PTPRN2: variants seen among roughly 807,000 people sequenced by gnomAD.
PTPRN2 encodes protein tyrosine phosphatase receptor type N2, also known as receptor-type tyrosine-protein phosphatase N2.
PTPRN2 carries 74 observed loss-of-function variants against 118.8 expected under a neutral mutation model. The observed-to-expected ratio is 0.62, with a 90% CI of 0.52 to 0.76. PTPRN2 has a LOEUF of 0.76. PTPRN2 is among the 30% of genes least tolerant of loss of function. The pLI is 0.00. For missense variants in PTPRN2, 1,481 were observed against 1,394.4 expected, an observed-to-expected ratio of 1.06 and a Z score of -0.99; for synonymous variants, 641 against 608.0, an observed-to-expected ratio of 1.05 and a Z score of -0.80.
At chr7:157,984,452 C>A (rs1226272740) in intron 11 of PTPRN2, among the ~76,000 whole-genome samples, 1 of 81,718 alleles carries the variant, frequency 1.2e-5, no homozygotes, top group Non-Finnish European at 2.5e-5. Context: ...GCTCCACCCC[C>A]CCCACGCCAG....
intron 3 of PTPRN2, among the ~76,000 whole-genome samples, chr7:158,289,734 G>A (rs1458340178): frequency 6.6e-6 from 1 of 152,014 alleles, no homozygotes; most frequent in Non-Finnish European, 1.5e-5. Flanking sequence ...CATGTTTGTT[G>A]TTGTTGTTGT....
chr7:158,218,300 A>G (rs1224804333), intron 3 of PTPRN2, among the ~76,000 whole-genome samples: 1 of 152,248 alleles, frequency 6.6e-6, no homozygotes, highest in Non-Finnish European at 1.5e-5. Flanking sequence ...GCATCCTTAA[A>G]GAAAAAAAAT....
intron 12 of PTPRN2, among the ~76,000 whole-genome samples, chr7:157,753,110 G>A (rs1448430928): frequency 3.3e-5 from 5 of 152,202 alleles, no homozygotes; most frequent in Non-Finnish European, 7.3e-5. Context: ...TGCGTGCAGG[G>A]GGCAAGGACA....
At chr7:158,163,285 A>C (rs2150576443) in intron 6 of PTPRN2, among the ~76,000 whole-genome samples, 1 of 150,264 alleles carries the variant, frequency 6.7e-6, no homozygotes, top group Non-Finnish European at 1.5e-5. Context: ...GGTTCTCAAT[A>C]TTCTCTGTGT....
At chr7:158,318,639 C>T (rs914722499) in intron 2 of PTPRN2, among the ~76,000 whole-genome samples, 3 of 152,254 alleles carry the variant, frequency 2.0e-5, no homozygotes, top group African/African-American at 4.8e-5. Context: ...GCAGAGCCCG[C>T]GAGCTGCACT....
intron 2 of PTPRN2, among the ~76,000 whole-genome samples, chr7:158,380,631 G>A (rs1238187447): frequency 1.3e-5 from 2 of 152,206 alleles, no homozygotes; most frequent in Non-Finnish European, 2.9e-5. Flanking sequence ...CCAGTTGTTG[G>A]TAGATCTACC....
chr7:158,122,122 G>A lies in PTPRN2; in HGVS notation c.1557-11207C>T, dbSNP rs529982159. Among the ~76,000 whole-genome samples, 21 of 152,304 alleles carry A rather than the reference G, an allele frequency of 1.4e-4. No homozygotes were observed. The South Asian group carries it at 1.7e-3, about 12-fold the overall frequency. The stretch of plus-strand genomic sequence containing the variant: ...TCAATACCTGGACACTAATATTGCC[G>A]TAGAAGAGAAACAGGCATGAGAACT... On this transcript the variant is annotated intron_variant, in intron 9 of 22. Coordinates refer to ENST00000389418, the MANE Select transcript of PTPRN2 (RefSeq NM_002847.5).
At chr7:158,251,694 T>C (rs61003983) in intron 3 of PTPRN2, among the ~76,000 whole-genome samples, 1 of 136,958 alleles carries the variant, frequency 7.3e-6, no homozygotes, top group South Asian at 2.5e-4. Context: ...GTGTGGTGTG[T>C]GCAGGTGTGC....
intron 13 of PTPRN2, among the ~76,000 whole-genome samples, chr7:157,663,271 A>G (rs1265085181): frequency 6.6e-6 from 1 of 152,124 alleles, no homozygotes; most frequent in Non-Finnish European, 1.5e-5. Context: ...GGAAACCGTG[A>G]TGACATCACA....
chr7:157,958,210 A>G (rs954148987), intron 11 of PTPRN2, among the ~76,000 whole-genome samples: 4 of 152,214 alleles, frequency 2.6e-5, no homozygotes, highest in African/African-American at 9.6e-5. Flanking sequence ...CTTTCATGAT[A>G]AAAACGCTCA....
At chr7:157,577,216 C>G (rs1585053956) in intron 18 of PTPRN2, among the ~76,000 whole-genome samples, 1 of 152,196 alleles carries the variant, frequency 6.6e-6, no homozygotes, top group East Asian at 1.9e-4. Context: ...ACACCCGGGT[C>G]TAGAGCAGGA....
intron 11 of PTPRN2, among the ~76,000 whole-genome samples, chr7:157,965,418 G>A (rs535146086): frequency 5.3e-5 from 8 of 152,056 alleles, no homozygotes; most frequent in Non-Finnish European, 8.8e-5. Context: ...TCTCACCATC[G>A]AGAGACTGAG....
At chr7:158,166,807 C>A (rs116424199) in intron 6 of PTPRN2, 124 bp downstream of exon 6, 17 of 1,234,962 alleles carry the variant, frequency 1.4e-5, no homozygotes, top group Non-Finnish European at 1.6e-5. Flanking sequence ...ATTCCTGCCA[C>A]GCGTCCTCGG....
chr7:158,469,054 C>T (rs1271761639), intron 2 of PTPRN2, among the ~76,000 whole-genome samples: 1 of 152,218 alleles, frequency 6.6e-6, no homozygotes, highest in Non-Finnish European at 1.5e-5. Flanking sequence ...ACACTATGCA[C>T]ACCCACACAC....
At chr7:158,119,377 T>C (rs943815813) in intron 9 of PTPRN2, among the ~76,000 whole-genome samples, 1 of 151,958 alleles carries the variant, frequency 6.6e-6, no homozygotes, top group African/African-American at 2.4e-5. Context: ...ACCCAGAAAA[T>C]AGTAAACGTT....
At chr7:158,310,160 G>C (rs192749786) in intron 3 of PTPRN2, among the ~76,000 whole-genome samples, 1 of 152,186 alleles carries the variant, frequency 6.6e-6, no homozygotes, top group African/African-American at 2.4e-5. Flanking sequence ...GTAGCAGCAC[G>C]GCTGTGACAA....
At chr7:157,748,374 GCC>G (rs1801164365) in intron 12 of PTPRN2, among the ~76,000 whole-genome samples, 6 of 149,846 alleles carry the variant, frequency 4.0e-5, no homozygotes, top group East Asian at 2.0e-4. Flanking sequence ...GCTGTGAGCT[GCC>G]TGGGTGATTT....
At chr7:158,202,811 T>G (rs1388172656) in intron 4 of PTPRN2, among the ~76,000 whole-genome samples, 1 of 152,186 alleles carries the variant, frequency 6.6e-6, no homozygotes, top group African/African-American at 2.4e-5. Flanking sequence ...AAAATATTTT[T>G]ACAAAATATA....
In PTPRN2 at chr7:157,874,197, T is replaced by A. The variant is rs1209075029; in HGVS notation, c.1788+24476A>T. On this transcript the variant is annotated intron_variant, in intron 12 of 22. Coordinates refer to ENST00000389418, the MANE Select transcript of PTPRN2 (RefSeq NM_002847.5). The surrounding 1 kb of genome is among the most constrained non-coding windows in gnomAD (Gnocchi z 5.8). Reference sequence around the variant, plus strand: ...AGCGGCCCTCAGTCTGCCTCTGGCCTCCCTCTGTTTCCCCCTCCACAACTG... The same window carrying A: ...AGCGGCCCTCAGTCTGCCTCTGGCCACCCTCTGTTTCCCCCTCCACAACTG... Among the ~76,000 whole-genome samples the A allele has an allele frequency of 3.9e-5, 6 of 152,112 alleles. No homozygotes were observed.
Sources: allele counts gnomAD v4.1 joint callset (sites outside exome capture counted in the v4.1 genomes callset), GRCh38; gene constraint gnomAD v4.1.1; non-coding constraint Gnocchi (gnomAD v3.1); transcripts MANE v1.5; gene names NCBI Gene and HGNC (gene_info 2026-07-23, HGNC 2026-07-21).